BRD9: variants seen among roughly 807,000 people sequenced by gnomAD.
The protein encoded by BRD9 is bromodomain-containing protein 9.
In BRD9, 47 loss-of-function variants were observed where a neutral mutation model predicts 68.7. That is an observed-to-expected ratio of 0.68 (90% CI 0.54 to 0.87). The LOEUF is 0.87. BRD9 is among the 40% of genes least tolerant of loss of function. The pLI, the probability that BRD9 is intolerant of heterozygous loss-of-function variation, is 0.00. For synonymous variants in BRD9, 313 were observed against 293.9 expected (o/e 1.06, Z -0.67); for missense variants, 670 against 748.4 (o/e 0.90, Z 1.22).
chr5:889,267 T>C (rs1486684594), intron 4 of BRD9, 102 bp from the exon 5 acceptor site: 1 of 1,283,250 alleles, frequency 7.8e-7, no homozygotes, highest in East Asian at 2.6e-5. Context: ...ATTTTGTTTC[T>C]TAAAAATAAA....
At chr5:872,454 C>T (rs1246798748) in intron 12 of BRD9, among the ~76,000 whole-genome samples, 2 of 152,110 alleles carry the variant, frequency 1.3e-5, no homozygotes, top group East Asian at 1.9e-4. Context: ...TTCCCATTTC[C>T]GGGCTGTGAG....
chr5:891,694 C>T lies in BRD9; in HGVS notation c.213G>A (p.Lys71=), dbSNP rs1462816432. The part of the protein sequence containing the change: ...ERHKEKKKKK[K]KKSEKEKHLD... ...GATGCTTCTCCTTCTCGGACTTCTT[C>T]TTCTTCTTCTTTTTCTTTTCTTTGT... The change falls in exon 2 of 16, where the codon AAG becomes AAA. Residue 71 remains lysine (K), a synonymous_variant. Transcript: ENST00000467963. 16 of 1,551,462 alleles carry T rather than the reference C, an allele frequency of 1.0e-5. No individual in the cohort carries two copies. The highest frequency in any genetic ancestry group is 8.2e-5 in the African/African-American group (6 of 73,018).
At chr5:876,457 GC>G (rs557500124) in intron 11 of BRD9, among the ~76,000 whole-genome samples, 2 of 152,160 alleles carry the variant, frequency 1.3e-5, no homozygotes, top group Non-Finnish European at 2.9e-5. Context: ...CATGCACACA[GC>G]CTAGAAACAC....
At chr5:883,671 G>T (rs1752128220) in intron 8 of BRD9, 1 of 542,056 alleles carries the variant, frequency 1.8e-6, no homozygotes, top group Non-Finnish European at 3.3e-6. Context: ...TTAGCCTGCA[G>T]CAGGGCCTCC....
intron 11 of BRD9, among the ~76,000 whole-genome samples, chr5:877,052 G>A (rs1007962739): frequency 4.6e-5 from 7 of 152,254 alleles, no homozygotes; most frequent in Admixed American, 4.6e-4. Context: ...GGCAGGCGGG[G>A]TCAGAATGAT....
rs1259038636 is a variant in BRD9 at position 864,288 on chromosome 5, AG to A, written c.*179del. The A allele has an allele frequency of 2.5e-5, 13 of 509,944 alleles. No homozygotes were observed. The highest frequency in any genetic ancestry group is 3.9e-5 in the Non-Finnish European group (11 of 283,482). The allele number at this position is 509,944 out of a possible 1,614,324, so 31.6% of individuals were successfully genotyped here. A position where few individuals can be genotyped will look rare whatever the true frequency, so the allele number is the denominator to read the frequency against. ...GCCTTCGCGTATGACTCCACTCCTC[AG>A]GGTTCGTGGGGCTTGGAGACTCTGC... On this transcript the variant is annotated 3_prime_UTR_variant, in exon 16 of 16. Transcript: ENST00000467963.
intron 12 of BRD9, among the ~76,000 whole-genome samples, chr5:875,087 A>G (rs553192337): frequency 4.1e-4 from 63 of 152,382 alleles, no homozygotes; most frequent in African/African-American, 1.5e-3. Flanking sequence ...AAAATCACTG[A>G]TAAAGAAAGA....
intron 14 of BRD9, among the ~76,000 whole-genome samples, chr5:867,477 A>G (rs2150551115): frequency 6.6e-6 from 1 of 152,380 alleles, no homozygotes; most frequent in Middle Eastern, 3.4e-3. Context: ...TGCCATCTGG[A>G]AAAGCTGCAG....
In BRD9 at chr5:875,379, G is replaced by T. The variant is rs149670903; in HGVS notation, c.1383+722C>A. Among the ~76,000 whole-genome samples, 634 of 151,508 alleles carry T rather than the reference G, an allele frequency of 4.2e-3. 16 individuals carry two copies. In the East Asian group the frequency reaches 0.065, roughly 15 times the overall value. ...TTTTTTTTTTTGGAGATGGGGTCTG[G>T]CTCTGTGGCCCAAGCTGGAGTGCAG... On this transcript the variant is annotated intron_variant, in intron 12 of 15. Transcript: ENST00000467963.
chr5:882,742 G>A (rs73733948), intron 8 of BRD9, among the ~76,000 whole-genome samples: 5,679 of 145,196 alleles, frequency 0.039, 333 homozygotes, highest in African/African-American at 0.13. Context: ...TTCCCAACAC[G>A]CAAGCCACGC....
chr5:865,760 T>C (rs1749295110), intron 14 of BRD9, 179 bp from the exon 15 acceptor site: 1 of 633,404 alleles, frequency 1.6e-6, no homozygotes, highest in Non-Finnish European at 2.6e-6. Context: ...GACATTACCC[T>C]TAGCAGTGAG....
chr5:889,101 T>A lies in BRD9; in HGVS notation c.526A>T (p.Ile176Leu). Residue 176 changes from isoleucine to leucine, a missense_variant, in exon 5 of 16, where the codon ATA (isoleucine) becomes TTA (leucine). Ile to Leu is a conservative substitution (Grantham distance 5). Around this residue, in one of 5 missense-constraint regions of BRD9, gnomAD observed 94 missense variants for 157.2 expected, o/e 0.60. Transcript: ENST00000467963. ...CCAAAATCCATGGGATGTTTTATTA[T>A]CATTGAATATCCAGGAGCAATTGCA... ...TDAIAPGYSM[I>L]IKHPMDFGTM... 1 of 1,611,834 alleles carries A rather than the reference T, an allele frequency of 6.2e-7. No individual in the cohort carries two copies.
At chr5:871,612 TAG>T in intron 12 of BRD9, 48 bp from the exon 13 acceptor site, 1 of 1,562,178 alleles carries the variant, frequency 6.4e-7, no homozygotes, top group South Asian at 1.1e-5. Flanking sequence ...AGTGATTTCA[TAG>T]AAACGGACAA....
At chr5:887,050 G>A (rs1020967695) in intron 6 of BRD9, 16 of 524,292 alleles carry the variant, frequency 3.1e-5, no homozygotes, top group East Asian at 2.3e-4. Flanking sequence ...AGGATGTCCC[G>A]TCTGGATTCA....
At position 865,497 on chromosome 5, in the gene BRD9, G is replaced by A. The variant is rs148724954; in HGVS notation, c.1610C>T (p.Ala537Val). The A allele has an allele frequency of 3.0e-5, 48 of 1,607,454 alleles. No individual in the cohort carries two copies. In the African/African-American group the frequency reaches 5.9e-4, roughly 20 times the overall value. ...CCGAGAGCCGCCGCGCTCCGCCTGT[G>A]CTTCGTGCAGGTCCTGCAGGAGCTT... ...TTKLLQDLHE[A>V]QAERGGSRPS... is the part of the protein sequence containing the mutation. Residue 537 changes from alanine to valine, a missense_variant, in exon 15 of 16, where the codon GCA becomes GTA. Physicochemically the swap from Ala to Val is moderately conservative, Grantham distance 64 (BLOSUM62 0). This residue lies in a region of BRD9 where 280 missense variants were observed against 281.5 expected (regional missense o/e 0.99). Transcript: ENST00000467963.
Position 871,555 on chromosome 5 carries a change from C to CA in BRD9, c.1392dup (p.Val465CysfsTer8). ...GCTTCATCTGGAGGCTTCATGGGAA[C>CA]ATTTCTTCTCTGAAAAGTAAATGAG... On this transcript the variant is annotated frameshift_variant, in exon 13 of 16. Transcript: ENST00000467963. LOFTEE classifies it high-confidence loss of function. 1 of 1,614,170 alleles carries CA rather than the reference C, an allele frequency of 6.2e-7. No individual in the cohort carries two copies. The highest frequency in any genetic ancestry group is 8.5e-7 in the Non-Finnish European group (1 of 1,179,972).
rs1251499713 is a variant in BRD9 at position 864,512 on chromosome 5, CAT to C, written c.1748_1749del (p.Tyr583Ter). 2 of 1,613,914 alleles carry C rather than the reference CAT, an allele frequency of 1.2e-6. No individual in the cohort carries two copies. The highest frequency in any genetic ancestry group is 1.3e-5 in the African/African-American group (1 of 74,942). On this transcript the variant is annotated frameshift_variant, in exon 16 of 16. Transcript: ENST00000467963. LOFTEE classifies it high-confidence loss of function. The part of the protein sequence containing the change: ...GEQPDVTHDP[Y>X]EFLQSPEPAA... ...GCAGGCTCTGGAGACTGAAGAAACT[CAT>C]AGGGGTCGTGGGTGACGTCTGGCTG...
chr5:892,693 G>C lies in BRD9; in HGVS notation c.-36C>G, dbSNP rs6869238. ...GCGGCGGGCCCGAGGCGGGGGCTGGGAACAGCTGGCACCCGGTCGGACCTT... is the reference window on the plus strand; with the variant it reads ...GCGGCGGGCCCGAGGCGGGGGCTGGCAACAGCTGGCACCCGGTCGGACCTT... On this transcript the variant is annotated 5_prime_UTR_variant, in exon 1 of 16. Coordinates refer to ENST00000467963, the MANE Select transcript of BRD9 (RefSeq NM_023924.5). The C allele has an allele frequency of 2.2e-6, 3 of 1,377,550 alleles. No individual in the cohort carries two copies. 85.3% of individuals were successfully genotyped at this position (1,377,550 alleles called of 1,614,324 possible).
chr5:878,281 G>T lies in BRD9; in HGVS notation c.1271+74C>A, dbSNP rs534972468. The T allele has an allele frequency of 6.2e-4, 992 of 1,588,442 alleles. 1 individual carries two copies. Among genetic ancestry groups the T allele is most frequent in the Non-Finnish European group, 7.8e-4 (915 of 1,169,502 alleles). On this transcript the variant is annotated intron_variant, in intron 11 of 15. Coordinates refer to ENST00000467963, the MANE Select transcript of BRD9 (RefSeq NM_023924.5). The stretch of plus-strand genomic sequence containing the variant: ...GCTCTCTCCCCACCCGCACACATGT[G>T]GGACTCCACGTCCCACACCAGGGCA...
Sources: gnomAD v4.1 joint callset for allele counts (sites outside exome capture counted in the v4.1 genomes callset) on GRCh38, gnomAD v4.1.1 for gene constraint, gnomAD v4.1.1 regional missense constraint, MANE v1.5 for transcripts, NCBI Gene and HGNC (gene_info 2026-07-23, HGNC 2026-07-21) for gene names.